PALM2AKAP2: variants seen among roughly 807,000 people sequenced by gnomAD.
The protein encoded by PALM2AKAP2 is PALM2 and AKAP2 fusion.
PALM2AKAP2 carries 37 observed loss-of-function variants against 71.5 expected under a neutral mutation model. The observed-to-expected ratio is 0.52, with a 90% CI of 0.40 to 0.68. PALM2AKAP2 has a LOEUF of 0.68. Among genes scored for constraint, PALM2AKAP2 ranks in the 30% least tolerant of loss-of-function variants. The pLI is 0.00. For missense variants in PALM2AKAP2, 1,224 were observed against 1,191.8 expected, an observed-to-expected ratio of 1.03 and a Z score of -0.40; for synonymous variants, 468 against 478.8, an observed-to-expected ratio of 0.98 and a Z score of 0.29.
At chr9:110,168,539 C>G in exon 4 of PALM2AKAP2, 1 of 1,590,578 alleles carries the variant, frequency 6.3e-7, no homozygotes, top group South Asian at 1.1e-5. Context: ...CTTGGGAGAC[C>G]AAGAAACCAA....
intron 1 of PALM2AKAP2, among the ~76,000 whole-genome samples, chr9:109,691,832 C>CTA (rs1827889252): frequency 2.7e-5 from 1 of 36,380 alleles, no homozygotes; most frequent in Non-Finnish European, 5.3e-5. Context: ...TCCAGAAAGA[C>CTA]GATATATATA....
intron 1 of PALM2AKAP2, among the ~76,000 whole-genome samples, chr9:110,131,889 T>G (rs1015813463): frequency 2.0e-5 from 3 of 152,210 alleles, no homozygotes; most frequent in African/African-American, 7.2e-5. Flanking sequence ...AAAGGGGGAC[T>G]GGATGCCATA....
At chr9:109,849,358 G>A (rs980381274) in intron 1 of PALM2AKAP2, among the ~76,000 whole-genome samples, 3 of 152,316 alleles carry the variant, frequency 2.0e-5, no homozygotes, top group East Asian at 1.9e-4. Context: ...TTTGAAGATA[G>A]CCATCTTCCC....
chr9:109,816,210 A>G (rs931631217), intron 1 of PALM2AKAP2, among the ~76,000 whole-genome samples: 1 of 152,206 alleles, frequency 6.6e-6, no homozygotes, highest in Admixed American at 6.5e-5. Context: ...ATCTTGGGAA[A>G]TGAGACTGTG....
At position 109,683,118 on chromosome 9, in the gene PALM2AKAP2, C is replaced by T. The variant is rs188904242; in HGVS notation, c.5+42252C>T. Among the ~76,000 whole-genome samples the T allele has an allele frequency of 7.9e-5, 12 of 152,262 alleles. No individual in the cohort carries two copies. The East Asian group carries it at 1.4e-3, about 17-fold the overall frequency. ...GCTCCTGCTTTCACCATGTGAAGTG[C>T]CTGCTCTTTCTTTGCCTTCCACCAT... On this transcript the variant is annotated intron_variant, in intron 1 of 6. Transcript: ENST00000374531.
intron 1 of PALM2AKAP2, among the ~76,000 whole-genome samples, chr9:109,733,661 C>T (rs1434197838): frequency 6.6e-6 from 1 of 152,190 alleles, no homozygotes; most frequent in East Asian, 1.9e-4. Context: ...TGGCTTTTAT[C>T]TCCCAGACAA....
chr9:109,877,450 G>A (rs371014997), intron 2 of PALM2AKAP2, among the ~76,000 whole-genome samples: 12 of 152,092 alleles, frequency 7.9e-5, no homozygotes, highest in African/African-American at 2.9e-4. Flanking sequence ...GGGAACAGAT[G>A]TAAAAAGAAA....
intron 7 of PALM2AKAP2, 119 bp downstream of exon 7, chr9:110,016,158 C>T: frequency 9.9e-7 from 1 of 1,005,106 alleles, no homozygotes. Flanking sequence ...AGTTCTCTCT[C>T]TACTCACTGA....
intron 1 of PALM2AKAP2, among the ~76,000 whole-genome samples, chr9:109,671,908 TG>T (rs1260532144): frequency 2.0e-5 from 3 of 152,174 alleles, no homozygotes; most frequent in Non-Finnish European, 4.4e-5. Context: ...TGACTGTTGT[TG>T]GTGTATAAAA....
At chr9:109,716,440 A>G (rs910237534) in intron 1 of PALM2AKAP2, among the ~76,000 whole-genome samples, 2 of 152,220 alleles carry the variant, frequency 1.3e-5, no homozygotes, top group African/African-American at 4.8e-5. Context: ...ATTCCCAGTT[A>G]CAAGTGAATT....
chr9:109,858,844 G>A (rs575991242), intron 1 of PALM2AKAP2, among the ~76,000 whole-genome samples: 1 of 152,250 alleles, frequency 6.6e-6, no homozygotes, highest in South Asian at 2.1e-4. Flanking sequence ...CCAAAGTGAA[G>A]CACTCCTAGC....
intron 6 of PALM2AKAP2, among the ~76,000 whole-genome samples, chr9:109,963,271 G>A (rs898620462): frequency 6.6e-6 from 1 of 152,226 alleles, no homozygotes; most frequent in Non-Finnish European, 1.5e-5. Flanking sequence ...AGAAGTGGCT[G>A]TATGCCAGGA....
intron 1 of PALM2AKAP2, among the ~76,000 whole-genome samples, chr9:109,805,908 T>C (rs1318812482): frequency 6.6e-6 from 1 of 152,196 alleles, no homozygotes; most frequent in Non-Finnish European, 1.5e-5. Flanking sequence ...TAGCCTGAAA[T>C]GTGGCTGTAG....
chr9:109,744,916 A>G (rs1443799352), intron 1 of PALM2AKAP2, among the ~76,000 whole-genome samples: 4 of 152,170 alleles, frequency 2.6e-5, no homozygotes, highest in Non-Finnish European at 5.9e-5. Flanking sequence ...CTCTTCCGGA[A>G]GACTCTAGGA....
chr9:110,017,526 G>A (rs1377275254), intron 7 of PALM2AKAP2, among the ~76,000 whole-genome samples: 5 of 152,174 alleles, frequency 3.3e-5, no homozygotes, highest in African/African-American at 1.2e-4. Flanking sequence ...TGGACGAAGG[G>A]GAATGGGTGC....
chr9:110,065,519 C>T (rs543711621), intron 1 of PALM2AKAP2, among the ~76,000 whole-genome samples: 3 of 152,284 alleles, frequency 2.0e-5, no homozygotes, highest in African/African-American at 7.2e-5. Flanking sequence ...AGCCATCGTG[C>T]CTGCCCTGTT....
chr9:109,931,534 T>G (rs1045787859), intron 5 of PALM2AKAP2, among the ~76,000 whole-genome samples: 1 of 152,246 alleles, frequency 6.6e-6, no homozygotes, highest in Non-Finnish European at 1.5e-5. Context: ...AGAATGGATC[T>G]GTTTTTCAGT....
At chr9:109,672,177 T>C (rs1827583259) in intron 1 of PALM2AKAP2, among the ~76,000 whole-genome samples, 1 of 152,160 alleles carries the variant, frequency 6.6e-6, no homozygotes, top group Non-Finnish European at 1.5e-5. Context: ...CCTTGTCTTG[T>C]GCCGGTTTTC....
chr9:109,906,038 C>G (rs538682123), intron 3 of PALM2AKAP2, among the ~76,000 whole-genome samples: 25 of 152,118 alleles, frequency 1.6e-4, no homozygotes, highest in African/African-American at 5.5e-4. Flanking sequence ...TCCTTCTTTT[C>G]CTCAAGAAGA....
Sources: gnomAD v4.1 joint callset for allele counts (sites outside exome capture counted in the v4.1 genomes callset) on GRCh38, gnomAD v4.1.1 for gene constraint, MANE v1.5 for transcripts, NCBI Gene and HGNC (gene_info 2026-07-23, HGNC 2026-07-21) for gene names.